FARS2: variants seen among roughly 807,000 people sequenced by gnomAD.
FARS2 encodes phenylalanine--tRNA ligase, mitochondrial.
FARS2 carries 40 observed loss-of-function variants against 46.4 expected under a neutral mutation model. The ratio of observed to expected loss-of-function variants is 0.86; its 90% CI spans 0.67 to 1.12. FARS2 has a LOEUF of 1.12. FARS2 is among the 50% of genes most tolerant of loss of function. The probability of loss-of-function intolerance (pLI) is 0.00; values close to 1 mark genes in which losing one functional copy is unlikely to be tolerated. For missense variants in FARS2, 513 were observed against 567.9 expected (o/e 0.90, Z 0.98); for synonymous variants, 234 against 214.9 (o/e 1.09, Z -0.78).
At chr6:5,405,480 C>CTTTTTTTCTTTTTT in intron 3 of FARS2, among the ~76,000 whole-genome samples, 1 of 58,948 alleles carries the variant, frequency 1.7e-5, no homozygotes, top group Non-Finnish European at 3.1e-5. Context: ...GAGCAAGGTT[C>CTTTTTTTCTTTTTT]TTTTTTTTTT....
intron 5 of FARS2, among the ~76,000 whole-genome samples, chr6:5,611,617 T>G (rs1444023630): frequency 2.0e-5 from 3 of 152,224 alleles, no homozygotes; most frequent in Non-Finnish European, 2.9e-5. Flanking sequence ...ACTTTTTATA[T>G]TTTTTAGCTT....
At chr6:5,732,717 C>G (rs1263980440) in intron 6 of FARS2, among the ~76,000 whole-genome samples, 1 of 152,176 alleles carries the variant, frequency 6.6e-6, no homozygotes, top group African/African-American at 2.4e-5. Context: ...ACTCCAGCCC[C>G]AGTCACGAGC....
intron 3 of FARS2, among the ~76,000 whole-genome samples, chr6:5,420,808 C>G (rs997113261): frequency 6.6e-6 from 1 of 152,136 alleles, no homozygotes; most frequent in Non-Finnish European, 1.5e-5. Context: ...TGGAGCTTAT[C>G]CCATCCCAGA....
At chr6:5,735,270 C>G (rs1760878043) in intron 6 of FARS2, among the ~76,000 whole-genome samples, 1 of 152,224 alleles carries the variant, frequency 6.6e-6, no homozygotes, top group Non-Finnish European at 1.5e-5. Context: ...TAATAAGTAG[C>G]AGAACTGTAG....
rs12529530 is a variant in FARS2 at position 5,667,474 on chromosome 6, C to T, written c.1217+54154C>T. On this transcript the variant is annotated intron_variant, in intron 6 of 6. Transcript: ENST00000274680. Reference sequence around the variant, plus strand: ...TGGAGGCTGCAATGAGCCGAGATCACGCCACTGCACTCCAGCCTGGGCAAC... The same window carrying T: ...TGGAGGCTGCAATGAGCCGAGATCATGCCACTGCACTCCAGCCTGGGCAAC... Among the ~76,000 whole-genome samples, 1,063 of 151,320 alleles carry T rather than the reference C, an allele frequency of 7.0e-3. 55 individuals are homozygous for T. Among genetic ancestry groups the T allele is most frequent in the Admixed American group, 0.065 (982 of 15,206 alleles).
At chr6:5,398,116 T>C (rs1014251023) in intron 2 of FARS2, among the ~76,000 whole-genome samples, 1 of 152,196 alleles carries the variant, frequency 6.6e-6, no homozygotes, top group African/African-American at 2.4e-5. Context: ...TTTTCCCCTT[T>C]GTAGTTAATA....
At chr6:5,401,449 C>G (rs1269135110) in intron 2 of FARS2, among the ~76,000 whole-genome samples, 1 of 152,108 alleles carries the variant, frequency 6.6e-6, no homozygotes, top group African/African-American at 2.4e-5. Flanking sequence ...CTGCTTTCTT[C>G]CATTGTTTAG....
chr6:5,370,353 C>T (rs917450671), intron 2 of FARS2, among the ~76,000 whole-genome samples: 2 of 151,766 alleles, frequency 1.3e-5, no homozygotes, highest in East Asian at 1.9e-4. Context: ...TGCTGGATCT[C>T]GGGGGATCTC....
At chr6:5,678,747 G>T (rs1384477065) in intron 6 of FARS2, among the ~76,000 whole-genome samples, 1 of 152,202 alleles carries the variant, frequency 6.6e-6, no homozygotes, top group Non-Finnish European at 1.5e-5. Context: ...AGCTAGGAGG[G>T]AAACACCCTG....
Position 5,467,092 on chromosome 6 carries a change from G to A in FARS2, c.904+35920G>A, listed in dbSNP as rs1314746617. The A allele has an allele frequency of 5.1e-6, 5 of 984,998 alleles. No homozygotes were observed. In the South Asian group the frequency reaches 1.4e-4, roughly 28 times the overall value. 61.0% of individuals were successfully genotyped at this position (984,998 alleles called of 1,614,324 possible). ...TCTGTAAGTTGAATAGTCACTTCCC[G>A]ATTTATTGGTTGTTGAGCCCTCCAT... On this transcript the variant is annotated intron_variant, in intron 4 of 6. Transcript: ENST00000274680.
chr6:5,338,526 A>T (rs368177680), intron 1 of FARS2, among the ~76,000 whole-genome samples: 52 of 152,230 alleles, frequency 3.4e-4, no homozygotes, highest in African/African-American at 1.2e-3. Context: ...GACCGCAGTG[A>T]CTTTCCTCAT....
rs1030765096 is a variant in FARS2, at chr6:5,727,176, G to A, written c.1218-44115G>A. On this transcript the variant is annotated intron_variant, in intron 6 of 6. Transcript: ENST00000274680. The surrounding 1 kb of genome is among the most constrained non-coding windows in gnomAD (Gnocchi z 4.1). Reference sequence around the variant, plus strand: ...AGGAAGCTGCTCAGTCAACAGTAACGGCGGCTGCTGCTGTAGGGGTGGGCA... The same window carrying A: ...AGGAAGCTGCTCAGTCAACAGTAACAGCGGCTGCTGCTGTAGGGGTGGGCA... Among the ~76,000 whole-genome samples the A allele has an allele frequency of 3.3e-5, 5 of 152,224 alleles. No homozygotes were observed. Among genetic ancestry groups the A allele is most frequent in the African/African-American group, 1.2e-4 (5 of 41,462 alleles).
At chr6:5,584,784 A>G (rs529271491) in intron 5 of FARS2, among the ~76,000 whole-genome samples, 87 of 152,170 alleles carry the variant, frequency 5.7e-4, no homozygotes, top group Non-Finnish European at 1.1e-3. Flanking sequence ...CATCATCTGC[A>G]TGGAGAGCAG....
intron 4 of FARS2, among the ~76,000 whole-genome samples, chr6:5,481,074 G>A (rs1241370145): frequency 6.6e-6 from 1 of 152,208 alleles, no homozygotes; most frequent in Non-Finnish European, 1.5e-5. Flanking sequence ...GCAGGAAAAG[G>A]CAGTGAGTCC....
chr6:5,418,249 G>A (rs888794197), intron 3 of FARS2, among the ~76,000 whole-genome samples: 5 of 152,062 alleles, frequency 3.3e-5, no homozygotes, highest in Non-Finnish European at 7.4e-5. Flanking sequence ...TGCATGCCTG[G>A]TAATTTACTA....
rs9502308 is a variant in FARS2, at chr6:5,504,947, T to C, written c.905-40233T>C. 9.1e-3 allele frequency among the ~76,000 whole-genome samples: 1,379 copies of C among 152,212 alleles called. 24 individuals are homozygous for C. Among genetic ancestry groups the C allele is most frequent in the African/African-American group, 0.032 (1,312 of 41,524 alleles). ...TCTCCCAAGTAGCTGGGACCACAGATGCAAGCCATCACACCTGGCTTGGAC... is the reference window on the plus strand; with the variant it reads ...TCTCCCAAGTAGCTGGGACCACAGACGCAAGCCATCACACCTGGCTTGGAC... On this transcript the variant is annotated intron_variant, in intron 4 of 6. Transcript: ENST00000274680.
At chr6:5,544,821 C>A (rs924657161) in intron 4 of FARS2, among the ~76,000 whole-genome samples, 2 of 152,286 alleles carry the variant, frequency 1.3e-5, no homozygotes. Context: ...TCTTTTCTTT[C>A]CACTCTGTAA....
At chr6:5,364,843 G>T (rs967526350) in intron 1 of FARS2, among the ~76,000 whole-genome samples, 3 of 152,124 alleles carry the variant, frequency 2.0e-5, no homozygotes, top group Non-Finnish European at 4.4e-5. Context: ...ACCAGCCTGG[G>T]CAATGTGGCG....
intron 6 of FARS2, among the ~76,000 whole-genome samples, chr6:5,664,360 G>C (rs1031044254): frequency 2.6e-5 from 4 of 152,170 alleles, no homozygotes; most frequent in African/African-American, 7.2e-5. Context: ...GTTACACCGA[G>C]GGTCCTGCCA....
Sources: allele counts gnomAD v4.1 joint callset (sites outside exome capture counted in the v4.1 genomes callset), GRCh38; gene constraint gnomAD v4.1.1; non-coding constraint Gnocchi (gnomAD v3.1); transcripts MANE v1.5; gene names NCBI Gene and HGNC (gene_info 2026-07-23, HGNC 2026-07-21).